Variants in MSR1 observed in about 807,000 individuals in gnomAD.
MSR1 encodes macrophage scavenger receptor 1.
A neutral mutation model predicts 47.2 loss-of-function variants in MSR1; 53 were observed. The observed-to-expected ratio is 1.12, with a 90% confidence interval of 0.90 to 1.41. The LOEUF is 1.41. Among genes scored for constraint, MSR1 ranks in the 40% most tolerant of loss-of-function variants. The probability of loss-of-function intolerance (pLI) is 0.00; values close to 1 mark genes in which losing one functional copy is unlikely to be tolerated. For synonymous variants in MSR1, 239 were observed against 185.6 expected (o/e 1.29, Z -2.34); for missense variants, 786 against 546.9 (o/e 1.44, Z -4.36).
intron 5 of MSR1, among the ~76,000 whole-genome samples, chr8:16,160,362 T>C (rs931886735): frequency 6.6e-6 from 1 of 152,054 alleles, no homozygotes; most frequent in Non-Finnish European, 1.5e-5. Context: ...GACACTGCTA[T>C]TATAGAGTGT....
chr8:16,175,854 T>A (rs999689176), intron 2 of MSR1, among the ~76,000 whole-genome samples: 2 of 152,194 alleles, frequency 1.3e-5, no homozygotes, highest in Non-Finnish European at 1.5e-5. Context: ...ATAAAGTGAT[T>A]CACATTTTTA....
chr8:16,153,581 A>G (rs1165208663), intron 6 of MSR1, among the ~76,000 whole-genome samples: 1 of 152,074 alleles, frequency 6.6e-6, no homozygotes, highest in Non-Finnish European at 1.5e-5. Context: ...AACAAAATCA[A>G]AGATTCTTTG....
chr8:16,155,343 C>T (rs1428735442), intron 5 of MSR1, among the ~76,000 whole-genome samples, 199 bp from the exon 6 acceptor site: 2 of 151,918 alleles, frequency 1.3e-5, no homozygotes, highest in African/African-American at 4.8e-5. Context: ...ATGAGGATGA[C>T]ATTGCCTCAA....
chr8:16,164,855 A>G (rs1457051987), intron 4 of MSR1, among the ~76,000 whole-genome samples: 2 of 152,070 alleles, frequency 1.3e-5, no homozygotes, highest in Non-Finnish European at 2.9e-5. Flanking sequence ...ATATTTATAC[A>G]TACACATTCA....
chr8:16,141,610 T>C (rs897839986), intron 8 of MSR1, among the ~76,000 whole-genome samples: 20 of 152,294 alleles, frequency 1.3e-4, no homozygotes, highest in Non-Finnish European at 1.5e-5. Flanking sequence ...TTATATACTC[T>C]GCATGAGGAG....
At chr8:16,119,870 C>CTTTT (rs35520763) in intron 9 of MSR1, among the ~76,000 whole-genome samples, 70 of 95,668 alleles carry the variant, frequency 7.3e-4, no homozygotes, top group African/African-American at 2.6e-3. Context: ...TCACGCCTGG[C>CTTTT]TTTTTTTTTT....
intron 8 of MSR1, among the ~76,000 whole-genome samples, chr8:16,129,193 T>A (rs1006057826): frequency 6.6e-6 from 1 of 152,160 alleles, no homozygotes; most frequent in Admixed American, 6.6e-5. Context: ...CAGAATTATA[T>A]AAAACGTCAT....
chr8:16,176,051 G>C (rs549890534), intron 2 of MSR1, among the ~76,000 whole-genome samples: 1 of 152,222 alleles, frequency 6.6e-6, no homozygotes, highest in South Asian at 2.1e-4. Flanking sequence ...CTGATTAGTT[G>C]AATACAATGG....
intron 9 of MSR1, among the ~76,000 whole-genome samples, chr8:16,112,749 C>T (rs1317379966): frequency 6.6e-6 from 1 of 151,670 alleles, no homozygotes; most frequent in African/African-American, 2.4e-5. Context: ...TGCCTCTGAA[C>T]TATTCTTTCT....
intron 1 of MSR1, among the ~76,000 whole-genome samples, chr8:16,190,192 C>T (rs1012381013): frequency 7.9e-5 from 12 of 152,136 alleles, no homozygotes; most frequent in Admixed American, 3.3e-4. Flanking sequence ...GCCACTGCCC[C>T]GGCCATTATT....
intron 6 of MSR1, among the ~76,000 whole-genome samples, chr8:16,152,816 A>G (rs1428088305): frequency 6.6e-6 from 1 of 152,014 alleles, no homozygotes; most frequent in Non-Finnish European, 1.5e-5. Flanking sequence ...TCATCCTGGA[A>G]GCGCTGTGAA....
chr8:16,186,306 C>A (rs543735977), intron 1 of MSR1: 1 of 971,802 alleles, frequency 1.0e-6, no homozygotes, highest in Non-Finnish European at 1.5e-6. Context: ...TGTTTTCTCT[C>A]CTATTTTCAC....
At chr8:16,169,009 T>C (rs1459347724) in intron 3 of MSR1, 139 bp from the exon 4 acceptor site, 1 of 822,522 alleles carries the variant, frequency 1.2e-6, no homozygotes, top group Non-Finnish European at 1.9e-6. Context: ...TCGAGTATTT[T>C]TTTTTAATCT....
intron 5 of MSR1, 78 bp downstream of exon 5, chr8:16,163,987 T>C: frequency 8.7e-7 from 1 of 1,143,688 alleles, no homozygotes; most frequent in Non-Finnish European, 1.2e-6. Flanking sequence ...CCATAGGATT[T>C]CAAATATCAA....
At chr8:16,169,203 G>A (rs1322534742) in intron 3 of MSR1, among the ~76,000 whole-genome samples, 3 of 152,152 alleles carry the variant, frequency 2.0e-5, no homozygotes, top group Non-Finnish European at 2.9e-5. Flanking sequence ...AAGGCTATGT[G>A]TCTACAGAAC....
In MSR1 at chr8:16,150,284, C is replaced by G; in HGVS notation, c.926G>C (p.Gly309Ala). ...IGPPGLKGDR[G>A]AIGFPGSRGL... ...TCGACTTCCAGGAAAGCCAATTGCT[C>G]CCCGATCACCTTTAAGACCCGGAGG... Residue 309 changes from glycine (G) to alanine (A), a missense_variant, in exon 7 of 10, where the codon GGA becomes GCA. Coordinates refer to ENST00000262101, the MANE Select transcript of MSR1 (RefSeq NM_138715.3). The G allele has an allele frequency of 6.4e-7, 1 of 1,570,340 alleles. No individual in the cohort carries two copies. Among genetic ancestry groups the G allele is most frequent in the Non-Finnish European group, 8.7e-7 (1 of 1,155,710 alleles).
At chr8:16,189,446 T>C (rs1802112214) in intron 1 of MSR1, among the ~76,000 whole-genome samples, 1 of 86,942 alleles carries the variant, frequency 1.2e-5, no homozygotes, top group South Asian at 3.6e-4. Context: ...TTTATATATA[T>C]AAAATCTTAT....
rs1801711492 is a variant in MSR1 at position 16,178,111 on chromosome 8, T to TTC, written c.-4-120_-4-119insGA. ...GAATCTATTCAGTTTTTCTTTTTTT[T>TTC]TTTTAATTATACTTTAAGCTCTAGG... On this transcript the variant is annotated intron_variant, in intron 1 of 9. Transcript: ENST00000262101. 13 of 765,300 alleles carry TTC rather than the reference T, an allele frequency of 1.7e-5. No homozygotes were observed. The South Asian group carries it at 1.9e-4, about 11-fold the overall frequency. 47.4% of individuals were successfully genotyped at this position (765,300 alleles called of 1,614,324 possible).
rs1799673790 is a variant in MSR1, at chr8:16,108,015, G to T, written c.*2070C>A. ...TAGTAGATTCTCTCAAATACAAAAA[G>T]GATTTTTAGATTACTTATTAAAGAT... On this transcript the variant is annotated 3_prime_UTR_variant, in exon 10 of 10. Coordinates refer to ENST00000262101, the MANE Select transcript of MSR1 (RefSeq NM_138715.3). 1.3e-5 allele frequency: 2 copies of T among 151,362 alleles called. No homozygotes were observed. Among genetic ancestry groups the T allele is most frequent in the Non-Finnish European group, 2.9e-5 (2 of 67,814 alleles). The allele number at this position is 151,362 out of a possible 1,614,324, so 9.4% of individuals were successfully genotyped here.
Sources: allele counts gnomAD v4.1 joint callset (sites outside exome capture counted in the v4.1 genomes callset), GRCh38; gene constraint gnomAD v4.1.1; transcripts MANE v1.5; gene names NCBI Gene and HGNC (gene_info 2026-07-23, HGNC 2026-07-21).